The following RTTN variants were observed in gnomAD, a reference collection of about 807,000 sequenced individuals.
RTTN encodes rotatin.
In RTTN, 182 loss-of-function variants were observed where a neutral mutation model predicts 269.2. That is an observed-to-expected ratio of 0.68 (90% confidence interval 0.60 to 0.76). The LOEUF (loss-of-function observed/expected upper bound fraction) is 0.76, where lower values mean the gene tolerates loss of function less well. Ranked by LOEUF, RTTN falls within the 30% of genes least tolerant of loss-of-function variation. The pLI is 0.00. For missense variants in RTTN, 2,545 were observed against 2,608.6 expected (o/e 0.98, Z 0.53); for synonymous variants, 1,006 against 963.5 (o/e 1.04, Z -0.82).
chr18:70,142,449 G>C, intron 18 of RTTN, 62 bp from the exon 19 acceptor site: 2 of 945,562 alleles, frequency 2.1e-6, no homozygotes, highest in Non-Finnish European at 3.3e-6. Context: ...TCTCCAATAA[G>C]ATTTTATAGT....
intron 23 of RTTN, chr18:70,131,639 C>T (rs1256974215): frequency 6.6e-6 from 1 of 151,600 alleles, no homozygotes; most frequent in Non-Finnish European, 1.5e-5. Context: ...GCCAGGAGTT[C>T]AAGACTAGCC....
chr18:70,203,946 CA>C, intron 3 of RTTN, 139 bp downstream of exon 3: 1 of 685,474 alleles, frequency 1.5e-6, no homozygotes, highest in Non-Finnish European at 2.4e-6. Context: ...GGAAAAAGGT[CA>C]AAATCATGTA....
chr18:70,126,669 G>T (rs941632808), intron 25 of RTTN, among the ~76,000 whole-genome samples: 2 of 152,072 alleles, frequency 1.3e-5, no homozygotes, highest in Non-Finnish European at 2.9e-5. Flanking sequence ...TTATTTAATT[G>T]TAAGTTTATA....
chr18:70,057,221 A>C (rs1393387885), intron 37 of RTTN, among the ~76,000 whole-genome samples: 14 of 152,276 alleles, frequency 9.2e-5, no homozygotes, highest in Admixed American at 9.2e-4. Context: ...TCTGTTAGCA[A>C]CAGCTACATG....
At position 70,028,059 on chromosome 18, in the gene RTTN, A is replaced by C. The variant is rs114598376; in HGVS notation, c.5823+665T>G. On this transcript the variant is annotated intron_variant, in intron 43 of 48. Transcript: ENST00000640769. ...TTTTCGTGGCCAGCTTTTATAAAGA[A>C]TAATCTAGTATTTCTGCATTAAAGC... Among the ~76,000 whole-genome samples the C allele has an allele frequency of 8.7e-3, 1,319 of 152,322 alleles. 23 individuals carry two copies. The highest frequency in any genetic ancestry group is 0.029 in the African/African-American group (1,223 of 41,578).
At chr18:70,158,613 A>AACGGGCTAAACACCCCACTTAAAACAT in intron 14 of RTTN, among the ~76,000 whole-genome samples, 3 of 152,328 alleles carry the variant, frequency 2.0e-5, no homozygotes, top group African/African-American at 7.2e-5. Context: ...CCTTGAACAT[A>AACGGGCTAAACACCCCACTTAAAACAT]AACGGGCTAA....
chr18:70,182,466 T>C (rs1011247589), intron 10 of RTTN, among the ~76,000 whole-genome samples: 1 of 152,080 alleles, frequency 6.6e-6, no homozygotes, highest in African/African-American at 2.4e-5. Flanking sequence ...ATTTTGATTC[T>C]ACTGCCCTGA....
intron 46 of RTTN, chr18:70,006,720 T>A: frequency 2.4e-6 from 1 of 410,450 alleles, no homozygotes; most frequent in Non-Finnish European, 4.4e-6. Context: ...GCTTCATTTT[T>A]TGGCCAGAAT....
intron 14 of RTTN, among the ~76,000 whole-genome samples, chr18:70,156,306 C>T (rs894356809): frequency 6.6e-6 from 1 of 152,106 alleles, no homozygotes; most frequent in African/African-American, 2.4e-5. Flanking sequence ...ATGGTCGAGA[C>T]TGTAGGGGTG....
chr18:70,100,012 C>T (rs2059116025), intron 28 of RTTN, among the ~76,000 whole-genome samples: 1 of 152,182 alleles, frequency 6.6e-6, no homozygotes, highest in African/African-American at 2.4e-5. Context: ...AGTCAGGTAG[C>T]GTGATGCCTC....
chr18:70,006,180 TTC>T (rs2056179775), intron 47 of RTTN, 199 bp downstream of exon 47: 1 of 468,902 alleles, frequency 2.1e-6, no homozygotes, highest in African/African-American at 2.0e-5. Context: ...AACTGAGACA[TTC>T]TGTTGAAATG....
chr18:70,158,038 C>T (rs1331217510), intron 14 of RTTN, among the ~76,000 whole-genome samples: 1 of 152,018 alleles, frequency 6.6e-6, no homozygotes, highest in Non-Finnish European at 1.5e-5. Context: ...TGGATATTTT[C>T]CACGAAAATT....
At chr18:70,124,151 G>A (rs1262650376) in intron 25 of RTTN, among the ~76,000 whole-genome samples, 1 of 151,912 alleles carries the variant, frequency 6.6e-6, no homozygotes, top group Non-Finnish European at 1.5e-5. Context: ...ATGAAGAGCT[G>A]TCACATGTGA....
intron 13 of RTTN, chr18:70,166,550 A>T: frequency 9.9e-6 from 2 of 201,682 alleles, no homozygotes; most frequent in Non-Finnish European, 2.0e-5. Flanking sequence ...AAAAATCCAC[A>T]TAAGAAAAAG....
At chr18:70,127,104 T>C (rs1474558533) in intron 25 of RTTN, among the ~76,000 whole-genome samples, 2 of 152,154 alleles carry the variant, frequency 1.3e-5, no homozygotes, top group African/African-American at 4.8e-5. Flanking sequence ...AAAAATGATA[T>C]AATTTACTTA....
intron 34 of RTTN, among the ~76,000 whole-genome samples, chr18:70,066,450 A>T (rs2058137208): frequency 6.6e-6 from 1 of 152,216 alleles, no homozygotes; most frequent in South Asian, 2.1e-4. Context: ...CATTAAATAT[A>T]ACAAAATCCG....
intron 10 of RTTN, among the ~76,000 whole-genome samples, chr18:70,187,403 G>C (rs1180200839): frequency 6.6e-6 from 1 of 152,014 alleles, no homozygotes; most frequent in Non-Finnish European, 1.5e-5. Context: ...AAAATAGCCA[G>C]AAAATAAAAA....
chr18:70,030,070 A>G lies in RTTN; in HGVS notation c.5687T>C (p.Ile1896Thr), dbSNP rs2056969039. 6 of 1,612,896 alleles carry G rather than the reference A, an allele frequency of 3.7e-6. No homozygotes were observed. Among genetic ancestry groups the G allele is most frequent in the Admixed American group, 1.7e-5 (1 of 59,998 alleles). Residue 1896 changes from isoleucine (I) to threonine (T), a missense_variant, in exon 42 of 49, where the codon ATA (isoleucine) becomes ACA (threonine). By Grantham distance (89) the Ile-to-Thr change is moderately conservative. Coordinates refer to ENST00000640769, the MANE Select transcript of RTTN (RefSeq NM_173630.4). ...IDNCMEQMKH[I>T]NAQLNLDSLR... ...AGAATCTAGGTTCAGTTGTGCATTT[A>G]TGTGTTTCATCTGCTCCATGCAATT...
chr18:70,142,795 C>T (rs1157415172), intron 18 of RTTN, among the ~76,000 whole-genome samples: 1 of 152,116 alleles, frequency 6.6e-6, no homozygotes, highest in Admixed American at 6.6e-5. Context: ...ACAAGCCTGG[C>T]CAACATGGTG....
Sources: gnomAD v4.1 joint callset for allele counts (sites outside exome capture counted in the v4.1 genomes callset) on GRCh38, gnomAD v4.1.1 for gene constraint, MANE v1.5 for transcripts, NCBI Gene and HGNC (gene_info 2026-07-23, HGNC 2026-07-21) for gene names.